Variants in ANKRD11 observed in about 807,000 individuals in gnomAD.
The protein encoded by ANKRD11 is ankyrin repeat domain-containing protein 11.
ANKRD11 carries 17 observed loss-of-function variants against 195.7 expected under a neutral mutation model. The observed-to-expected ratio is 0.09, with a 90% confidence interval of 0.06 to 0.13. ANKRD11 has a LOEUF of 0.13. Among genes scored for constraint, ANKRD11 ranks in the 10% least tolerant of loss-of-function variants. ANKRD11 has a pLI of 1.00. For synonymous variants in ANKRD11, 1,953 were observed against 1,528.1 expected, an observed-to-expected ratio of 1.28 and a Z score of -6.49; for missense variants, 3,735 against 3,566.1, an observed-to-expected ratio of 1.05 and a Z score of -1.21.
At chr16:89,328,797 C>T (rs1308558073) in intron 2 of ANKRD11, 7 of 141,422 alleles carry the variant, frequency 4.9e-5, no homozygotes, top group African/African-American at 1.9e-4. Flanking sequence ...CCCAGGCGCA[C>T]GGGCGAATCA....
intron 2 of ANKRD11, among the ~76,000 whole-genome samples, chr16:89,417,945 G>T (rs941459248): frequency 2.0e-5 from 3 of 152,202 alleles, no homozygotes; most frequent in Non-Finnish European, 4.4e-5. Context: ...AGCACAGGGT[G>T]GGGGTCTCAG....
At chr16:89,454,398 T>C (rs2056333941) in intron 1 of ANKRD11, among the ~76,000 whole-genome samples, 1 of 152,182 alleles carries the variant, frequency 6.6e-6, no homozygotes, top group African/African-American at 2.4e-5. Context: ...ATCCTTGACC[T>C]AGTGGGTAAA....
rs1266668622 is a variant in ANKRD11 at position 89,481,592 on chromosome 16, A to G, written c.-145+8653T>C. ...CCATTTAGGCACCATGGTGTTGCAA[A>G]GCCAGTGCTTTCATCTAGGCATCCA... On this transcript the variant is annotated intron_variant, in intron 1 of 12. Transcript: ENST00000301030. 2.6e-5 allele frequency among the ~76,000 whole-genome samples: 4 copies of G among 152,322 alleles called. No homozygotes were observed. In the East Asian group the frequency reaches 5.8e-4, roughly 22 times the overall value.
At chr16:89,445,675 TTA>T (rs1012796735) in intron 1 of ANKRD11, among the ~76,000 whole-genome samples, 2 of 152,168 alleles carry the variant, frequency 1.3e-5, no homozygotes, top group African/African-American at 2.4e-5. Flanking sequence ...CTGTATTTTT[TTA>T]AAAAAACGAT....
chr16:89,350,522 G>A (rs1386480003), intron 2 of ANKRD11, among the ~76,000 whole-genome samples: 1 of 152,088 alleles, frequency 6.6e-6, no homozygotes, highest in Non-Finnish European at 1.5e-5. Context: ...AATCTCAAAA[G>A]GAAGATGAAA....
chr16:89,282,455 G>C lies in ANKRD11; in HGVS notation c.4087C>G (p.Arg1363Gly). The C allele has an allele frequency of 6.2e-7, 1 of 1,613,862 alleles. No homozygotes were observed. The highest frequency in any genetic ancestry group is 8.5e-7 in the Non-Finnish European group (1 of 1,179,996). Residue 1363 changes from arginine (R) to glycine (G), a missense_variant, in exon 9 of 13, where the codon CGA becomes GGA. Transcript: ENST00000301030. ...SSSSSKKSHD[R>G]ERAKKEKAEK... The stretch of plus-strand genomic sequence containing the variant: ...GCCTTCTCTTTCTTGGCTCGCTCTC[G>C]GTCGTGGCTCTTCTTGGATGAAGAT...
chr16:89,444,475 G>C (rs906969601), intron 1 of ANKRD11, among the ~76,000 whole-genome samples: 5 of 152,082 alleles, frequency 3.3e-5, no homozygotes, highest in Non-Finnish European at 7.4e-5. Context: ...GTGGAGTGGA[G>C]GGAGGGGGGT....
intron 1 of ANKRD11, among the ~76,000 whole-genome samples, chr16:89,432,826 A>G (rs1019579310): frequency 2.0e-5 from 3 of 152,080 alleles, no homozygotes; most frequent in Admixed American, 6.5e-5. Flanking sequence ...CTGTGGTCCC[A>G]GCTACTCAGT....
Position 89,490,494 on chromosome 16 carries a change from G to A in ANKRD11, c.-394C>T, listed in dbSNP as rs772241129. 1.5e-5 allele frequency: 7 copies of A among 457,978 alleles called. No individual in the cohort carries two copies. The highest frequency in any genetic ancestry group is 7.1e-5 in the South Asian group (2 of 28,040). 28.4% of individuals were successfully genotyped at this position (457,978 alleles called of 1,614,324 possible). A position where few individuals can be genotyped will look rare whatever the true frequency, so the allele number is the denominator to read the frequency against. On this transcript the variant is annotated 5_prime_UTR_variant, in exon 1 of 13. Transcript: ENST00000301030. ...CGCTACTGATGGGGCGTCTGGCCGC[G>A]GGCTCGGCGGCGGCGCCTCCCCGGC...
At position 89,323,399 on chromosome 16, in the gene ANKRD11, C is replaced by CAGCCCAGGGCAGGGGGGCTG. The variant is rs1567645171; in HGVS notation, c.-59-6341_-59-6322dup. 1.0e-4 allele frequency: 120 copies of CAGCCCAGGGCAGGGGGGCTG among 1,180,524 alleles called. No individual in the cohort carries two copies. In the African/African-American group the frequency reaches 1.8e-3, roughly 18 times the overall value. The allele number at this position is 1,180,524 out of a possible 1,614,324, so 73.1% of individuals were successfully genotyped here. A position where few individuals can be genotyped will look rare whatever the true frequency, so the allele number is the denominator to read the frequency against. On this transcript the variant is annotated intron_variant, in intron 2 of 12. Transcript: ENST00000301030. Reference sequence around the variant, plus strand: ...TCTCAGTGGGCAAGGGGAGAGCAAGCAGCCCAGGGCAGGGGGGCTGAGCCG... The same window carrying CAGCCCAGGGCAGGGGGGCTG: ...TCTCAGTGGGCAAGGGGAGAGCAAGCAGCCCAGGGCAGGGGGGCTGAGCCCAGGGCAGGGGGGCTGAGCCG...
chr16:89,299,250 G>C lies in ANKRD11; in HGVS notation c.226+5956C>G, dbSNP rs377184862. 14 of 178,558 alleles carry C rather than the reference G, an allele frequency of 7.8e-5. No homozygotes were observed. In the East Asian group the frequency reaches 1.3e-3, roughly 17 times the overall value. 11.1% of individuals were successfully genotyped at this position (178,558 alleles called of 1,614,324 possible). A position where few individuals can be genotyped will look rare whatever the true frequency, so the allele number is the denominator to read the frequency against. On this transcript the variant is annotated intron_variant, in intron 4 of 12. Coordinates refer to ENST00000301030, the MANE Select transcript of ANKRD11 (RefSeq NM_013275.6). ...AGTGACTGTGGCTCTGGTCCTGCCT[G>C]GGAGGAGATCTACAGGGGAGGGGCC...
chr16:89,358,386 G>A (rs1178975817), intron 2 of ANKRD11, among the ~76,000 whole-genome samples: 1 of 152,202 alleles, frequency 6.6e-6, no homozygotes, highest in African/African-American at 2.4e-5. Context: ...ACAGCTTAGC[G>A]ACCACGTTTC....
At chr16:89,275,356 A>T (rs2033561948) in intron 9 of ANKRD11, among the ~76,000 whole-genome samples, 165 bp from the exon 10 acceptor site, 2 of 152,212 alleles carry the variant, frequency 1.3e-5, no homozygotes, top group African/African-American at 4.8e-5. Flanking sequence ...AGCTTCTAGA[A>T]ACCACTATGT....
chr16:89,419,889 G>C (rs1567779804), intron 1 of ANKRD11, among the ~76,000 whole-genome samples: 1 of 152,064 alleles, frequency 6.6e-6, no homozygotes, highest in South Asian at 2.1e-4. Flanking sequence ...AAAAATAAGT[G>C]TGTGATGGGT....
chr16:89,392,425 C>A (rs1314448389), intron 2 of ANKRD11: 1 of 152,050 alleles, frequency 6.6e-6, no homozygotes, highest in South Asian at 2.1e-4. Flanking sequence ...TTCATGTTTT[C>A]TTACATTTTC....
intron 1 of ANKRD11, among the ~76,000 whole-genome samples, chr16:89,444,403 ACAT>A (rs2043683702): frequency 6.7e-6 from 1 of 149,820 alleles, no homozygotes; most frequent in Non-Finnish European, 1.5e-5. Context: ...TGCGTACTAA[ACAT>A]TTTCTTTGGG....
At chr16:89,271,979 C>G (rs2033199431) in intron 11 of ANKRD11, 1 of 152,034 alleles carries the variant, frequency 6.6e-6, no homozygotes, top group Admixed American at 6.6e-5. Flanking sequence ...GGAGGAAACG[C>G]CTGCAAACCG....
At chr16:89,274,584 G>A (rs1030533340) in intron 11 of ANKRD11, among the ~76,000 whole-genome samples, 6 of 152,214 alleles carry the variant, frequency 3.9e-5, no homozygotes, top group South Asian at 4.1e-4. Context: ...CCAGCCCAGT[G>A]GCCTGAGGGC....
At position 89,480,872 on chromosome 16, in the gene ANKRD11, A is replaced by C. The variant is rs943096031; in HGVS notation, c.-145+9373T>G. ...CCGTCCTGGGCTGTGCCCCTCAAGA[A>C]TTCCCCAGATAGCCATTTCCTTTCC... On this transcript the variant is annotated intron_variant, in intron 1 of 12. Coordinates refer to ENST00000301030, the MANE Select transcript of ANKRD11 (RefSeq NM_013275.6). Among the ~76,000 whole-genome samples, 5 of 152,272 alleles carry C rather than the reference A, an allele frequency of 3.3e-5. No homozygotes were observed. In the South Asian group the frequency reaches 1.0e-3, roughly 32 times the overall value.
Sources: allele counts gnomAD v4.1 joint callset (sites outside exome capture counted in the v4.1 genomes callset), GRCh38; gene constraint gnomAD v4.1.1; transcripts MANE v1.5; gene names NCBI Gene and HGNC (gene_info 2026-07-23, HGNC 2026-07-21).